The following DMD variants were observed in gnomAD, a reference collection of about 807,000 sequenced individuals.
DMD encodes dystrophin, also known as mutant dystrophin.
In DMD, 63 loss-of-function variants were observed where a neutral mutation model predicts 330.1. The ratio of observed to expected loss-of-function variants is 0.19; its 90% confidence interval spans 0.16 to 0.24. The LOEUF is 0.24. Ranked by LOEUF, DMD falls within the 10% of genes least tolerant of loss-of-function variation. The pLI is 1.00. For missense variants in DMD, 3,344 were observed against 2,684.1 expected (o/e 1.25, Z -5.43); for synonymous variants, 1,223 against 959.8 (o/e 1.27, Z -5.07).
chrX:32,270,113 T>C (rs2097360122), intron 43 of DMD, among the ~76,000 whole-genome samples: 1 of 112,152 alleles, frequency 8.9e-6, no homozygotes, highest in South Asian at 3.7e-4. Context: ...CTTATGGTAG[T>C]TTTGAGCAGC....
At chrX:33,134,967 T>C (rs1404161674) in intron 1 of DMD, among the ~76,000 whole-genome samples, 4 of 111,865 alleles carry the variant, frequency 3.6e-5, no homozygotes, top group African/African-American at 9.7e-5. Context: ...ATAAGTCCAG[T>C]TCAGTAGGTA....
intron 16 of DMD, among the ~76,000 whole-genome samples, chrX:32,553,260 G>A (rs1038097632): frequency 9.0e-6 from 1 of 111,516 alleles, no homozygotes; most frequent in Non-Finnish European, 1.9e-5. Flanking sequence ...TGTGTTCTTT[G>A]CAGCAAACAT....
chrX:33,305,238 T>G (rs1569559732), intron 1 of DMD, among the ~76,000 whole-genome samples: 1 of 106,179 alleles, frequency 9.4e-6, no homozygotes, highest in Non-Finnish European at 1.9e-5. Context: ...TATGCAGCCA[T>G]AAAAAATGAT....
rs768558479 is a variant in DMD at position 31,885,226 on chromosome X, G to T, written c.6913-9853C>A. 4.5e-5 allele frequency among the ~76,000 whole-genome samples: 5 copies of T among 111,112 alleles called. No homozygotes were observed. In the South Asian group the frequency reaches 1.9e-3, roughly 42 times the overall value. ...AGGTTACTAGTAAGTAACAAAGATG[G>T]CACTAAATATCCAGGTTTTACTGAC... is the stretch of plus-strand genomic sequence containing the variant. On this transcript the variant is annotated intron_variant, in intron 47 of 78. Transcript: ENST00000357033.
intron 62 of DMD, among the ~76,000 whole-genome samples, chrX:31,313,035 AC>A (rs1378666298): frequency 2.8e-5 from 3 of 107,516 alleles, no homozygotes; most frequent in Non-Finnish European, 5.8e-5. Context: ...TACCTATGTA[AC>A]AAACCTGCAC....
chrX:32,838,761 T>C (rs1219952935), intron 4 of DMD, among the ~76,000 whole-genome samples: 4 of 112,104 alleles, frequency 3.6e-5, no homozygotes, highest in African/African-American at 9.7e-5. Context: ...ATGGCAATCA[T>C]TAAAAAGTCA....
intron 1 of DMD, among the ~76,000 whole-genome samples, chrX:33,323,430 T>C (rs913191754): frequency 9.0e-6 from 1 of 111,642 alleles, no homozygotes; most frequent in Non-Finnish European, 1.9e-5. Flanking sequence ...TCGTAGATAT[T>C]ATCTAATTCA....
At chrX:32,455,577 T>G (rs754518373) in intron 25 of DMD, among the ~76,000 whole-genome samples, 1 of 111,327 alleles carries the variant, frequency 9.0e-6, no homozygotes, top group Non-Finnish European at 1.9e-5. Context: ...TGTCCACGAA[T>G]CTGAGTCAAC....
chrX:32,815,518 T>TACACACACACAC (rs1355168422), intron 6 of DMD, among the ~76,000 whole-genome samples: 38 of 45,476 alleles, frequency 8.4e-4, no homozygotes, highest in African/African-American at 2.9e-3. Flanking sequence ...TATATATATA[T>TACACACACACAC]ATACACACAC....
At chrX:32,738,740 G>C (rs1308460435) in intron 7 of DMD, among the ~76,000 whole-genome samples, 1 of 111,532 alleles carries the variant, frequency 9.0e-6, no homozygotes, top group Non-Finnish European at 1.9e-5. Context: ...CACAAGGAAA[G>C]AGTTAGCAGA....
At chrX:32,462,394 T>A (rs770948330) in intron 25 of DMD, among the ~76,000 whole-genome samples, 38 of 112,246 alleles carry the variant, frequency 3.4e-4, no homozygotes, top group African/African-American at 9.0e-4. Context: ...AAACTGCAGA[T>A]GATCGGGGAC....
chrX:32,902,843 T>C (rs1431270584), intron 2 of DMD, among the ~76,000 whole-genome samples: 3 of 110,019 alleles, frequency 2.7e-5, no homozygotes, highest in African/African-American at 1.0e-4. Context: ...TTTTCTAAAT[T>C]AAAAACAAGT....
chrX:33,310,118 A>C (rs2053827339), intron 1 of DMD, among the ~76,000 whole-genome samples: 1 of 111,225 alleles, frequency 9.0e-6, no homozygotes, highest in African/African-American at 3.2e-5. Flanking sequence ...ACTACTATAT[A>C]ATTCAGTCTC....
At chrX:31,746,065 A>G (rs2087807853) in intron 51 of DMD, among the ~76,000 whole-genome samples, 1 of 112,545 alleles carries the variant, frequency 8.9e-6, no homozygotes, top group Non-Finnish European at 1.9e-5. Context: ...CTGTTCAAAA[A>G]TAAAAGTCAA....
At chrX:31,730,912 A>C (rs2086455516) in intron 51 of DMD, among the ~76,000 whole-genome samples, 1 of 111,477 alleles carries the variant, frequency 9.0e-6, no homozygotes, top group African/African-American at 3.3e-5. Flanking sequence ...AAACTTAGTT[A>C]TTTACTCTGT....
chrX:32,994,106 T>G (rs748322514), intron 2 of DMD, among the ~76,000 whole-genome samples: 8 of 110,390 alleles, frequency 7.2e-5, no homozygotes, highest in Non-Finnish European at 1.5e-4. Context: ...TGTGTCCCAG[T>G]GTGACATTCC....
At chrX:32,282,113 G>T (rs972953401) in intron 43 of DMD, among the ~76,000 whole-genome samples, 1 of 111,942 alleles carries the variant, frequency 8.9e-6, no homozygotes, top group Non-Finnish European at 1.9e-5. Context: ...GATAGCATTT[G>T]AACTGTTCTA....
At chrX:32,533,840 C>A (rs1011046672) in intron 17 of DMD, among the ~76,000 whole-genome samples, 4 of 111,824 alleles carry the variant, frequency 3.6e-5, no homozygotes, top group African/African-American at 1.3e-4. Flanking sequence ...TTTAAACTCT[C>A]TCAGTGTGAA....
At chrX:32,429,234 G>C (rs1603633265) in intron 29 of DMD, among the ~76,000 whole-genome samples, 1 of 76,843 alleles carries the variant, frequency 1.3e-5, no homozygotes, top group Non-Finnish European at 2.4e-5. Flanking sequence ...TTTTGAGGCA[G>C]AGTTTTGCTC....
Sources: gnomAD v4.1 joint callset for allele counts (sites outside exome capture counted in the v4.1 genomes callset) on GRCh38, gnomAD v4.1.1 for gene constraint, MANE v1.5 for transcripts, NCBI Gene and HGNC (gene_info 2026-07-23, HGNC 2026-07-21) for gene names.